The following CHD1L variants were observed in gnomAD, a reference collection of about 807,000 sequenced individuals.
CHD1L encodes chromodomain helicase DNA binding protein 1 like.
Under a neutral mutation model 115.9 loss-of-function variants are expected in CHD1L, and 118 were observed. That is an observed-to-expected ratio of 1.02 (90% CI 0.88 to 1.19). The LOEUF is 1.19. Ranked by LOEUF, CHD1L falls within the 50% of genes most tolerant of loss-of-function variation. The pLI is 0.00. For synonymous variants in CHD1L, 411 were observed against 387.1 expected, an observed-to-expected ratio of 1.06 and a Z score of -0.72; for missense variants, 1,179 against 1,065.3, an observed-to-expected ratio of 1.11 and a Z score of -1.49.
chr1:147,181,365 T>G, the CHD1L span, among the ~76,000 whole-genome samples: 7 of 152,210 alleles, frequency 4.6e-5, no homozygotes, highest in African/African-American at 1.7e-4. Context: ...TCTGGAATTC[T>G]GATATGTGCT....
Position 147,266,053 on chromosome 1 carries a change from G to A in CHD1L, c.861G>A (p.Lys287=). 6.2e-7 allele frequency: 1 copy of A among 1,613,322 alleles called. No homozygotes were observed. The highest frequency in any genetic ancestry group is 8.5e-7 in the Non-Finnish European group (1 of 1,179,568). Reference sequence around the variant, plus strand: ...ACCATGGCATGTCAGCATTGCAGAAGAAATACTACAAGGCCATTTTGATGA... The same window carrying A: ...ACCATGGCATGTCAGCATTGCAGAAAAAATACTACAAGGCCATTTTGATGA... The part of the protein sequence containing the change: ...VIYHGMSALQ[K]KYYKAILMKD... Residue 287 remains lysine (K), a synonymous_variant, in exon 8 of 23, where the codon AAG becomes AAA. Coordinates refer to ENST00000369258, the MANE Select transcript of CHD1L (RefSeq NM_004284.6).
the CHD1L span, chr1:147,187,243 T>C: frequency 1.9e-6 from 3 of 1,583,176 alleles, no homozygotes; most frequent in Non-Finnish European, 2.6e-6. Context: ...GCTCTCCACA[T>C]ACCTAAAGTA....
intron 1 of CHD1L, 181 bp downstream of exon 1, chr1:147,243,011 C>G: frequency 3.5e-5 from 25 of 711,440 alleles, no homozygotes; most frequent in Non-Finnish European, 4.8e-5. Context: ...CCACGGCCCC[C>G]GCCTGCGCGG....
intron 6 of CHD1L, chr1:147,260,261 G>C: frequency 5.8e-6 from 1 of 173,822 alleles, no homozygotes; most frequent in East Asian, 1.5e-4. Context: ...TACTGTTATA[G>C]TATCATACAG....
At chr1:147,179,375 A>G in the CHD1L span, 5 of 1,600,282 alleles carry the variant, frequency 3.1e-6, no homozygotes, top group Non-Finnish European at 4.3e-6. Context: ...GAACTTGGCG[A>G]GAAGCTCAGC....
At chr1:147,212,745 G>A in the CHD1L span, among the ~76,000 whole-genome samples, 8 of 152,044 alleles carry the variant, frequency 5.3e-5, no homozygotes, top group Non-Finnish European at 8.8e-5. Context: ...CTTGTCATAT[G>A]TACTTTGCTT....
the CHD1L span, among the ~76,000 whole-genome samples, chr1:147,232,647 C>T: frequency 3.3e-5 from 5 of 152,074 alleles, no homozygotes; most frequent in Admixed American, 1.3e-4. Context: ...TGCAGGCACG[C>T]GCCGCCACGC....
the CHD1L span, among the ~76,000 whole-genome samples, chr1:147,188,869 A>T: frequency 1.3e-5 from 2 of 152,146 alleles, no homozygotes; most frequent in African/African-American, 4.8e-5. Flanking sequence ...AAGTTAAAAT[A>T]AGATACTTTA....
chr1:147,294,060 A>C (rs587727090), intron 21 of CHD1L, among the ~76,000 whole-genome samples: 1 of 152,196 alleles, frequency 6.6e-6, no homozygotes, highest in Non-Finnish European at 1.5e-5. Flanking sequence ...CACAGTTCCC[A>C]ATAACAGACA....
the CHD1L span, chr1:147,178,968 G>T: frequency 4.3e-6 from 7 of 1,612,882 alleles, no homozygotes; most frequent in Non-Finnish European, 5.9e-6. Context: ...GGGTAATGAT[G>T]GTGGCAAAGA....
chr1:147,264,562 T>C lies in CHD1L; in HGVS notation c.717T>C (p.Asp239=). The change falls in exon 7 of 23, where the codon GAT becomes GAC. Residue 239 remains aspartate (D), a synonymous_variant. Coordinates refer to ENST00000369258, the MANE Select transcript of CHD1L (RefSeq NM_004284.6). ...GAGATTTTATTCAACGCTACCAGGA[T>C]ATTGAGAAAGAATCTGAGTCAGGCA... ...EVGDFIQRYQ[D]IEKESESASE... The C allele has an allele frequency of 6.2e-7, 1 of 1,613,526 alleles. No homozygotes were observed. Among genetic ancestry groups the C allele is most frequent in the Non-Finnish European group, 8.5e-7 (1 of 1,179,760 alleles).
chr1:147,238,404 A>C (rs1664655718), upstream of CHD1L, among the ~76,000 whole-genome samples: 1 of 152,342 alleles, frequency 6.6e-6, no homozygotes, highest in Non-Finnish European at 1.5e-5. Context: ...TTGTTTCTTA[A>C]TCTGTGCTTA....
At chr1:147,179,163 G>A in the CHD1L span, 1 of 1,614,134 alleles carries the variant, frequency 6.2e-7, no homozygotes, top group South Asian at 1.1e-5. Flanking sequence ...ATGCTCTGGA[G>A]AGGTTCCTGC....
chr1:147,232,339 G>A, the CHD1L span, among the ~76,000 whole-genome samples: 1 of 152,214 alleles, frequency 6.6e-6, no homozygotes, highest in Non-Finnish European at 1.5e-5. Context: ...GGCAGGGCTT[G>A]CATGTCTGAC....
chr1:147,203,714 C>T, the CHD1L span: 20 of 1,512,014 alleles, frequency 1.3e-5, no homozygotes, highest in Admixed American at 3.4e-5. Flanking sequence ...GGGTACAAGA[C>T]GTTTATCCCT....
chr1:147,242,966 C>T (rs1298809357), intron 1 of CHD1L, 136 bp downstream of exon 1: 4 of 1,092,810 alleles, frequency 3.7e-6, no homozygotes, highest in African/African-American at 1.6e-5. Context: ...TCGCTCCTGC[C>T]GTGGGCGGAG....
chr1:147,213,212 C>G, the CHD1L span: 11 of 1,020,534 alleles, frequency 1.1e-5, no homozygotes, highest in Non-Finnish European at 1.5e-5. Context: ...TTACTTCATT[C>G]CAAAGTAGGA....
intron 19 of CHD1L, among the ~76,000 whole-genome samples, chr1:147,289,793 G>T (rs1553968815): frequency 1.3e-5 from 2 of 152,218 alleles, no homozygotes; most frequent in African/African-American, 4.8e-5. Flanking sequence ...TGTGGAGGAT[G>T]GCGTACAGGC....
chr1:147,240,228 T>C (rs1664734487), upstream of CHD1L, among the ~76,000 whole-genome samples: 1 of 152,222 alleles, frequency 6.6e-6, no homozygotes, highest in South Asian at 2.1e-4. Flanking sequence ...TCTGTAACCC[T>C]ACCCCCAACC....
Sources: gnomAD v4.1 joint callset for allele counts (sites outside exome capture counted in the v4.1 genomes callset) on GRCh38, gnomAD v4.1.1 for gene constraint, MANE v1.5 for transcripts, NCBI Gene and HGNC (gene_info 2026-07-23, HGNC 2026-07-21) for gene names.